The following CD96 variants were observed in gnomAD, a reference collection of about 807,000 sequenced individuals.
The protein encoded by CD96 is CD96 molecule.
Under a neutral mutation model 71.3 loss-of-function variants are expected in CD96, and 70 were observed. That is an observed-to-expected ratio of 0.98 (90% CI 0.81 to 1.20). The LOEUF is 1.20. Ranked by LOEUF, CD96 falls within the 50% of genes most tolerant of loss-of-function variation. The pLI is 0.00. For missense variants in CD96, 742 were observed against 677.5 expected (o/e 1.10, Z -1.06); for synonymous variants, 248 against 233.0 (o/e 1.06, Z -0.59).
chr3:111,561,520 C>G (rs1468989162), intron 2 of CD96, among the ~76,000 whole-genome samples: 3 of 148,000 alleles, frequency 2.0e-5, no homozygotes, highest in Non-Finnish European at 4.5e-5. Context: ...TTAGGCTGCT[C>G]GGGGGTCAGG....
At chr3:111,560,416 T>C (rs1202410157) in intron 2 of CD96, among the ~76,000 whole-genome samples, 2 of 149,508 alleles carry the variant, frequency 1.3e-5, no homozygotes, top group African/African-American at 4.9e-5. Flanking sequence ...GGTGACAAAA[T>C]CTCTCAGCAT....
At position 111,623,791 on chromosome 3, in the gene CD96, G is replaced by T. The variant is rs764486226; in HGVS notation, c.1218G>T (p.Val406=). The T allele has an allele frequency of 6.2e-7, 1 of 1,612,540 alleles. No individual in the cohort carries two copies. The highest frequency in any genetic ancestry group is 1.7e-5 in the Admixed American group (1 of 60,018). The change falls in exon 9 of 14, where the codon GTG becomes GTT. Residue 406 remains valine (V), a synonymous_variant. Coordinates refer to ENST00000352690, the MANE Select transcript of CD96 (RefSeq NM_005816.5). ...PATSSVTLVD[V]SALRPNTTPQ... ...CATCTTCAGTGACCCTTGTAGATGTGAGTGCCTTGAGGCCAAACACCACTC... is the reference window on the plus strand; with the variant it reads ...CATCTTCAGTGACCCTTGTAGATGTTAGTGCCTTGAGGCCAAACACCACTC...
At chr3:111,562,385 A>G (rs926425892) in intron 2 of CD96, among the ~76,000 whole-genome samples, 6 of 152,124 alleles carry the variant, frequency 3.9e-5, no homozygotes, top group East Asian at 1.9e-4. Flanking sequence ...TAAAAAATAT[A>G]TATATATTTA....
intron 12 of CD96, among the ~76,000 whole-genome samples, chr3:111,639,545 A>G (rs1390344678): frequency 1.3e-5 from 2 of 152,174 alleles, no homozygotes; most frequent in Non-Finnish European, 2.9e-5. Context: ...TTCCCTATCC[A>G]ACCTGGTAGT....
At chr3:111,545,883 G>A (rs1464468597) in intron 2 of CD96, among the ~76,000 whole-genome samples, 1 of 152,042 alleles carries the variant, frequency 6.6e-6, no homozygotes, top group South Asian at 2.1e-4. Context: ...TGTTGGACCT[G>A]GTCAGCTTCC....
intron 8 of CD96, 80 bp from the exon 9 acceptor site, chr3:111,623,674 C>A (rs1281687378): frequency 3.5e-6 from 3 of 859,312 alleles, no homozygotes; most frequent in African/African-American, 3.3e-5. Context: ...ATATTCCAGG[C>A]TCTTGTTAAA....
intron 4 of CD96, among the ~76,000 whole-genome samples, chr3:111,583,172 A>G (rs1936548000): frequency 6.6e-6 from 1 of 152,234 alleles, no homozygotes; most frequent in Non-Finnish European, 1.5e-5. Context: ...GCCCCATGCA[A>G]GTCCAAAATC....
intron 2 of CD96, among the ~76,000 whole-genome samples, chr3:111,559,156 C>T (rs1385639385): frequency 6.6e-6 from 1 of 150,800 alleles, no homozygotes. Flanking sequence ...TTCAAAAAAC[C>T]AGCTCCTGGA....
intron 3 of CD96, among the ~76,000 whole-genome samples, chr3:111,571,589 T>A (rs573760152): frequency 2.1e-4 from 32 of 152,250 alleles, no homozygotes; most frequent in Non-Finnish European, 2.5e-4. Flanking sequence ...GGGTGAATCT[T>A]AAACATCCAC....
At chr3:111,615,131 G>A (rs1413459286) in intron 8 of CD96, among the ~76,000 whole-genome samples, 2 of 152,224 alleles carry the variant, frequency 1.3e-5, no homozygotes, top group East Asian at 3.8e-4. Flanking sequence ...TGAAATGAAG[G>A]TACAAGTATT....
chr3:111,629,928 T>C (rs1213339125), intron 10 of CD96, among the ~76,000 whole-genome samples: 7 of 152,098 alleles, frequency 4.6e-5, no homozygotes, highest in African/African-American at 9.7e-5. Context: ...AGGTTAATAA[T>C]GAAATTAAGG....
At chr3:111,657,114 A>T (rs1363383620), downstream of CD96, among the ~76,000 whole-genome samples, 1 of 151,980 alleles carries the variant, frequency 6.6e-6, no homozygotes, top group Non-Finnish European at 1.5e-5. Context: ...AATCCAGGCC[A>T]GGTGGATTAG....
chr3:111,546,919 T>TACACACACACACACACAC (rs60838213), intron 2 of CD96, among the ~76,000 whole-genome samples: 10,069 of 137,944 alleles, frequency 0.073, 657 homozygotes, highest in Admixed American at 0.12. Flanking sequence ...CACAGACACA[T>TACACACACACACACACAC]ACACACACAC....
At chr3:111,657,444 A>G (rs61055421) in intron 14 of CD96, among the ~76,000 whole-genome samples, 28,336 of 151,148 alleles carry the variant, frequency 0.19, 3,364 homozygotes, top group African/African-American at 0.33. Context: ...TCAAGTAGCT[A>G]GGAACACAAA....
chr3:111,639,922 G>T (rs1939513976), intron 12 of CD96, among the ~76,000 whole-genome samples: 1 of 152,160 alleles, frequency 6.6e-6, no homozygotes, highest in South Asian at 2.1e-4. Flanking sequence ...ACATCCATAG[G>T]AAAAGGGGGA....
intron 4 of CD96, among the ~76,000 whole-genome samples, chr3:111,579,728 A>T (rs1936384418): frequency 6.6e-6 from 1 of 152,084 alleles, no homozygotes; most frequent in African/African-American, 2.4e-5. Context: ...CCCTCCCATT[A>T]TAACTCATGA....
Position 111,598,131 on chromosome 3 carries a change from C to T in CD96, c.819C>T (p.Thr273=). ...TGTCTTTACCCCAGAGAAGATTTACCTGCTTACTAAAGAATGTATTTCCCA... is the reference window on the plus strand; with the variant it reads ...TGTCTTTACCCCAGAGAAGATTTACTTGCTTACTAAAGAATGTATTTCCCA... ...STDVLVERRF[T]CLLKNVFPKA... Residue 273 remains threonine (T), a synonymous_variant, in exon 6 of 14, where the codon ACC becomes ACT. Coordinates refer to ENST00000352690, the MANE Select transcript of CD96 (RefSeq NM_005816.5). The T allele has an allele frequency of 7.0e-7, 1 of 1,421,322 alleles. No homozygotes were observed. The highest frequency in any genetic ancestry group is 1.1e-5 in the South Asian group (1 of 86,980). 88.0% of individuals were successfully genotyped at this position (1,421,322 alleles called of 1,614,324 possible).
chr3:111,623,733 G>A (rs201044939), intron 8 of CD96, 21 bp from the exon 9 acceptor site: 11 of 1,512,508 alleles, frequency 7.3e-6, no homozygotes, highest in Admixed American at 1.7e-5. Flanking sequence ...TAATAATTTG[G>A]GAATTTTATT....
At chr3:111,589,865 T>C (rs1332196080) in intron 5 of CD96, among the ~76,000 whole-genome samples, 3 of 152,222 alleles carry the variant, frequency 2.0e-5, no homozygotes, top group African/African-American at 4.8e-5. Flanking sequence ...TTCAACTACT[T>C]AGCTGGTTAC....
Sources: allele counts gnomAD v4.1 joint callset (sites outside exome capture counted in the v4.1 genomes callset), GRCh38; gene constraint gnomAD v4.1.1; transcripts MANE v1.5; gene names NCBI Gene and HGNC (gene_info 2026-07-23, HGNC 2026-07-21).